SH3BP4: variants seen among roughly 807,000 people sequenced by gnomAD.
The protein encoded by SH3BP4 is SH3 domain-binding protein 4.
A neutral mutation model predicts 65.5 loss-of-function variants in SH3BP4; 33 were observed. The ratio of observed to expected loss-of-function variants is 0.50; its 90% CI spans 0.38 to 0.67. SH3BP4 has a LOEUF of 0.67. Among genes scored for constraint, SH3BP4 ranks in the 30% least tolerant of loss-of-function variants. The probability of loss-of-function intolerance (pLI) is 0.00; values close to 1 mark genes in which losing one functional copy is unlikely to be tolerated. For synonymous variants in SH3BP4, 552 were observed against 545.5 expected (o/e 1.01, Z -0.17); for missense variants, 1,134 against 1,261.4 (o/e 0.90, Z 1.53).
intron 4 of SH3BP4, among the ~76,000 whole-genome samples, chr2:235,048,622 G>T (rs1695952443): frequency 6.6e-6 from 1 of 152,162 alleles, no homozygotes; most frequent in Admixed American, 6.5e-5. Context: ...TTATAGGGGT[G>T]AGCCACCATG....
At chr2:235,004,361 T>A (rs561699289) in intron 2 of SH3BP4, among the ~76,000 whole-genome samples, 294 of 152,300 alleles carry the variant, frequency 1.9e-3, no homozygotes, top group East Asian at 4.0e-3. Flanking sequence ...TTATTTTTTT[T>A]AAAAAGTTTT....
chr2:235,052,771 G>C lies in SH3BP4; in HGVS notation c.2667+21G>C, dbSNP rs149129303. On this transcript the variant is annotated intron_variant, in intron 5 of 5. Transcript: ENST00000392011. The surrounding 1 kb of genome is among the most constrained non-coding windows in gnomAD (Gnocchi z 5.0). ...GCGAGGTGAGCAGCGGCTGAGCTTCGAGCTCACCGAGCCCCTCTGTCCCTG... is the reference window on the plus strand; with the variant it reads ...GCGAGGTGAGCAGCGGCTGAGCTTCCAGCTCACCGAGCCCCTCTGTCCCTG... 1 of 1,540,954 alleles carries C rather than the reference G, an allele frequency of 6.5e-7. No individual in the cohort carries two copies.
At chr2:234,986,545 T>A (rs1411376298) in intron 1 of SH3BP4, among the ~76,000 whole-genome samples, 1 of 152,226 alleles carries the variant, frequency 6.6e-6, no homozygotes. Flanking sequence ...CCTGTCTTAC[T>A]GCAGCCTGTG....
Position 235,042,306 on chromosome 2 carries a change from G to A in SH3BP4, c.1537G>A (p.Ala513Thr), listed in dbSNP as rs979587049. ...TLLVSEVTRQAPNPAPVALQL... is the reference protein window; with the variant it reads ...TLLVSEVTRQTPNPAPVALQL... ...CCTGGTCAGCGAGGTCACACGCCAG[G>A]CACCCAACCCTGCCCCGGTGGCCCT... The change falls in exon 4 of 6, where the codon GCA becomes ACA. Residue 513 changes from alanine to threonine, a missense_variant. Physicochemically the swap from Ala to Thr is moderately conservative, Grantham distance 58. Transcript: ENST00000392011. The surrounding 1 kb of genome is among the most constrained non-coding windows in gnomAD (Gnocchi z 7.3). 6.2e-7 allele frequency: 1 copy of A among 1,614,064 alleles called. No homozygotes were observed. The highest frequency in any genetic ancestry group is 1.3e-5 in the African/African-American group (1 of 74,918).
In SH3BP4 at chr2:235,042,363, T is replaced by G. The variant is rs1695689795; in HGVS notation, c.1594T>G (p.Ser532Ala). The stretch of plus-strand genomic sequence containing the variant: ...GTGGGGGAAGCACCAGTTCGTTTTG[T>G]CCAGGCCCCAGGATCTCAAGGTCTG... ...QLWGKHQFVL[S>A]RPQDLKVCMF... The change falls in exon 4 of 6, where the codon TCC becomes GCC. Residue 532 changes from serine to alanine, a missense_variant. Ser to Ala is a moderately conservative substitution (Grantham distance 99). Coordinates refer to ENST00000392011, the MANE Select transcript of SH3BP4 (RefSeq NM_014521.3). The surrounding 1 kb of genome is among the most constrained non-coding windows in gnomAD (Gnocchi z 7.3). 6.2e-7 allele frequency: 1 copy of G among 1,614,144 alleles called. No individual in the cohort carries two copies.
intron 1 of SH3BP4, among the ~76,000 whole-genome samples, chr2:234,959,067 A>C (rs977865538): frequency 2.0e-5 from 3 of 152,080 alleles, no homozygotes; most frequent in Non-Finnish European, 4.4e-5. Context: ...ACCTTCCCCA[A>C]ATGCTTTCTC....
intron 1 of SH3BP4, among the ~76,000 whole-genome samples, chr2:234,992,058 A>G (rs1373977333): frequency 6.6e-6 from 1 of 152,276 alleles, no homozygotes; most frequent in Non-Finnish European, 1.5e-5. Context: ...TGCCAGAAGG[A>G]AAGCTCCAGA....
Position 234,961,969 on chromosome 2 carries a change from A to G in SH3BP4, c.-207+9799A>G, listed in dbSNP as rs955955134. ...GGAGTGTGGCTCTGGCAGGTAGCATAGAAGGACCAGCAGCAAGTGCCGGAG... is the reference window on the plus strand; with the variant it reads ...GGAGTGTGGCTCTGGCAGGTAGCATGGAAGGACCAGCAGCAAGTGCCGGAG... On this transcript the variant is annotated intron_variant, in intron 1 of 5. Transcript: ENST00000392011. Among the ~76,000 whole-genome samples the G allele has an allele frequency of 7.2e-5, 11 of 152,080 alleles. 1 individual carries two copies. Among genetic ancestry groups the G allele is most frequent in the Non-Finnish European group, 1.6e-4 (11 of 68,024 alleles).
Position 235,039,204 on chromosome 2 carries a change from G to A in SH3BP4, c.119-1684G>A, listed in dbSNP as rs1695553890. On this transcript the variant is annotated intron_variant, in intron 3 of 5. Transcript: ENST00000392011. ...GCTGTAATTTCACAGGAGGAGGTAG[G>A]TGGGGCTTCAAGGCCCAGGGATGCT... Among the ~76,000 whole-genome samples, 3 of 152,186 alleles carry A rather than the reference G, an allele frequency of 2.0e-5. No homozygotes were observed. In the South Asian group the frequency reaches 6.2e-4, roughly 32 times the overall value.
At chr2:234,989,064 T>C (rs1457614171) in intron 1 of SH3BP4, among the ~76,000 whole-genome samples, 1 of 152,114 alleles carries the variant, frequency 6.6e-6, no homozygotes, top group Non-Finnish European at 1.5e-5. Flanking sequence ...TAGAAAGGCT[T>C]TTGTCCATCT....
Position 235,034,898 on chromosome 2 carries a change from G to C in SH3BP4, c.-105G>C, listed in dbSNP as rs529912811. ...AGAAACATATTGCCGAGTGGATGCC[G>C]CCGCGCAGCGTGTTTGCTTGAGGCA... On this transcript the variant is annotated 5_prime_UTR_variant, in exon 3 of 6. Transcript: ENST00000392011. The surrounding 1 kb of genome is among the most constrained non-coding windows in gnomAD (Gnocchi z 6.2). The C allele has an allele frequency of 6.5e-6, 6 of 917,256 alleles. No homozygotes were observed. The South Asian group carries it at 8.7e-5, about 13-fold the overall frequency. The allele number at this position is 917,256 out of a possible 1,614,324, so 56.8% of individuals were successfully genotyped here.
At position 235,040,800 on chromosome 2, in the gene SH3BP4, T is replaced by C. The variant is rs571467916; in HGVS notation, c.119-88T>C. 2.6e-6 allele frequency: 3 copies of C among 1,169,394 alleles called. No homozygotes were observed. The East Asian group carries it at 7.1e-5, about 28-fold the overall frequency. 72.4% of individuals were successfully genotyped at this position (1,169,394 alleles called of 1,614,324 possible). On this transcript the variant is annotated intron_variant, in intron 3 of 5. Coordinates refer to ENST00000392011, the MANE Select transcript of SH3BP4 (RefSeq NM_014521.3). ...GCCTGGGTTATTGTGCACCTGTCTG[T>C]TTACCACCGTCCTCTCTCCTTTGGG...
At chr2:235,039,070 G>A (rs974358689) in intron 3 of SH3BP4, among the ~76,000 whole-genome samples, 12 of 152,148 alleles carry the variant, frequency 7.9e-5, no homozygotes, top group African/African-American at 2.9e-4. Context: ...TGTCCACCAT[G>A]AGTGGAGTCT....
intron 2 of SH3BP4, among the ~76,000 whole-genome samples, chr2:235,018,537 C>T (rs191893690): frequency 6.6e-6 from 1 of 152,324 alleles, no homozygotes; most frequent in East Asian, 1.9e-4. Context: ...TCTTCCACCC[C>T]TCCATGATCT....
chr2:234,970,774 C>CT (rs1163122472), intron 1 of SH3BP4, among the ~76,000 whole-genome samples: 1 of 151,890 alleles, frequency 6.6e-6, no homozygotes. Flanking sequence ...GTGTCGTTTT[C>CT]TTTTTTGTTT....
Position 235,026,354 on chromosome 2 carries a change from A to G in SH3BP4, c.-132-8517A>G, listed in dbSNP as rs999247229. On this transcript the variant is annotated intron_variant, in intron 2 of 5. Coordinates refer to ENST00000392011, the MANE Select transcript of SH3BP4 (RefSeq NM_014521.3). The surrounding 1 kb of genome is among the most constrained non-coding windows in gnomAD (Gnocchi z 4.6). Reference sequence around the variant, plus strand: ...AAAACTGAGCAAGCAAGGAACACCTAGTGACGACTCATGGCCCTTGTTTTC... The same window carrying G: ...AAAACTGAGCAAGCAAGGAACACCTGGTGACGACTCATGGCCCTTGTTTTC... Among the ~76,000 whole-genome samples, 3 of 152,132 alleles carry G rather than the reference A, an allele frequency of 2.0e-5. No individual in the cohort carries two copies. The highest frequency in any genetic ancestry group is 4.4e-5 in the Non-Finnish European group (3 of 68,018).
chr2:235,000,210 TCTTC>T (rs1380697305), intron 2 of SH3BP4, among the ~76,000 whole-genome samples: 1 of 152,150 alleles, frequency 6.6e-6, no homozygotes, highest in Non-Finnish European at 1.5e-5. Flanking sequence ...CTCCTTCCCT[TCTTC>T]CTTCCTTTCG....
intron 2 of SH3BP4, among the ~76,000 whole-genome samples, chr2:235,018,418 G>A (rs147755192): frequency 2.3e-4 from 35 of 152,210 alleles, no homozygotes; most frequent in African/African-American, 8.4e-4. Flanking sequence ...CAGGTGAATA[G>A]GAAAAGCTGC....
chr2:235,053,492 A>C (rs1696127822), intron 5 of SH3BP4, 100 bp from the exon 6 acceptor site: 1 of 828,418 alleles, frequency 1.2e-6, no homozygotes, highest in Non-Finnish European at 2.0e-6. Context: ...CCAAATAGTG[A>C]CTACTGAAGC....
Sources: allele counts gnomAD v4.1 joint callset (sites outside exome capture counted in the v4.1 genomes callset), GRCh38; gene constraint gnomAD v4.1.1; non-coding constraint Gnocchi (gnomAD v3.1); transcripts MANE v1.5; gene names NCBI Gene and HGNC (gene_info 2026-07-23, HGNC 2026-07-21).